Variants in NBDY observed in about 807,000 individuals in gnomAD.
The protein encoded by NBDY is P-body dissociating protein.
At chrX:56,787,996 C>G (rs1267209551) in intron 2 of NBDY, among the ~76,000 whole-genome samples, 1 of 112,703 alleles carries the variant, frequency 8.9e-6, no homozygotes, top group Non-Finnish European at 1.9e-5. Flanking sequence ...GCCCTATGAT[C>G]CCAGTCCTCC....
intron 2 of NBDY, among the ~76,000 whole-genome samples, chrX:56,785,278 G>A (rs1476520893): frequency 9.0e-6 from 1 of 111,310 alleles, no homozygotes; most frequent in Non-Finnish European, 1.9e-5. Flanking sequence ...AGGGACAAAG[G>A]GAGAAGAAAA....
chrX:56,729,760 T>A (rs1036059592), intron 1 of NBDY, among the ~76,000 whole-genome samples, 171 bp downstream of exon 1: 1 of 112,376 alleles, frequency 8.9e-6, no homozygotes, highest in Non-Finnish European at 1.9e-5. Flanking sequence ...ATGATGGATA[T>A]TTAACGACAT....
At chrX:56,803,325 C>T (rs2069833720) in intron 2 of NBDY, among the ~76,000 whole-genome samples, 1 of 111,942 alleles carries the variant, frequency 8.9e-6, no homozygotes, top group Non-Finnish European at 1.9e-5. Flanking sequence ...CACCCCACAG[C>T]TCCTTGGTTC....
chrX:56,758,316 GAAA>G (rs757268190), intron 2 of NBDY, among the ~76,000 whole-genome samples: 115 of 81,433 alleles, frequency 1.4e-3, no homozygotes, highest in Non-Finnish European at 2.3e-3. Context: ...ACTCTGTCTC[GAAA>G]AAAAAAAAAA....
intron 2 of NBDY, among the ~76,000 whole-genome samples, chrX:56,747,016 C>A (rs1195178412): frequency 8.9e-6 from 1 of 111,955 alleles, no homozygotes; most frequent in African/African-American, 3.2e-5. Context: ...ATAACATAGT[C>A]ATGGATTCTT....
intron 2 of NBDY, among the ~76,000 whole-genome samples, chrX:56,791,330 C>G (rs984543027): frequency 1.8e-5 from 2 of 111,971 alleles, no homozygotes; most frequent in African/African-American, 6.5e-5. Flanking sequence ...TGGCATTTCC[C>G]TCCCATTTCT....
chrX:56,810,387 A>G (rs939279851), intron 2 of NBDY, among the ~76,000 whole-genome samples: 3 of 110,986 alleles, frequency 2.7e-5, no homozygotes, highest in African/African-American at 9.8e-5. Context: ...ACGTACACCA[A>G]TCAAATGTAG....
At chrX:56,810,016 T>C (rs1328574414) in intron 2 of NBDY, among the ~76,000 whole-genome samples, 1 of 111,415 alleles carries the variant, frequency 9.0e-6, no homozygotes, top group Non-Finnish European at 1.9e-5. Context: ...CTATGAAACT[T>C]AGTTTGGCTG....
chrX:56,731,339 A>G (rs2069457031), intron 1 of NBDY, among the ~76,000 whole-genome samples: 1 of 105,385 alleles, frequency 9.5e-6, no homozygotes, highest in Admixed American at 1.0e-4. Context: ...TGGGCAGATC[A>G]CCTAAGGTCA....
Position 56,814,387 on chromosome X carries a change from A to C in NBDY, c.*167-2933A>C, listed in dbSNP as rs1343106280. On this transcript the variant is annotated intron_variant, in intron 2 of 2. Coordinates refer to ENST00000374922, the MANE Select transcript of NBDY (RefSeq NM_001348129.2). The stretch of plus-strand genomic sequence containing the variant: ...GTTTTATTAAAGTTGATTATATATC[A>C]ATTAGGGATTATTAAGTCATTATTT... Among the ~76,000 whole-genome samples the C allele has an allele frequency of 3.6e-5, 4 of 111,024 alleles. No homozygotes were observed. The East Asian group carries it at 1.1e-3, about 31-fold the overall frequency.
intron 2 of NBDY, among the ~76,000 whole-genome samples, chrX:56,764,073 C>T (rs2146723988): frequency 8.9e-6 from 1 of 112,343 alleles, no homozygotes; most frequent in East Asian, 2.8e-4. Flanking sequence ...TGGCCCTTGG[C>T]CTGTGCTCAT....
chrX:56,762,054 G>A (rs1305869479), intron 2 of NBDY, among the ~76,000 whole-genome samples: 2 of 110,567 alleles, frequency 1.8e-5, no homozygotes, highest in Admixed American at 9.6e-5. Context: ...CTTTTGATCC[G>A]ACTCACAAGG....
intron 2 of NBDY, among the ~76,000 whole-genome samples, chrX:56,754,397 A>G (rs755839256): frequency 1.2e-4 from 13 of 111,895 alleles, no homozygotes; most frequent in Non-Finnish European, 2.4e-4. Context: ...TGTATAGAAC[A>G]CTTCATCTAA....
intron 2 of NBDY, among the ~76,000 whole-genome samples, chrX:56,790,198 A>G (rs1190428550): frequency 8.9e-6 from 1 of 112,528 alleles, no homozygotes; most frequent in East Asian, 2.8e-4. Flanking sequence ...TACATATGCT[A>G]CCCATGCTGC....
At chrX:56,746,807 C>T (rs1426779139) in intron 2 of NBDY, among the ~76,000 whole-genome samples, 1 of 111,615 alleles carries the variant, frequency 9.0e-6, no homozygotes, top group Non-Finnish European at 1.9e-5. Flanking sequence ...TCTTCAAAGC[C>T]AACCATGGCA....
intron 2 of NBDY, among the ~76,000 whole-genome samples, chrX:56,756,717 TG>T (rs1198643547): frequency 1.8e-5 from 2 of 111,813 alleles, no homozygotes; most frequent in Admixed American, 9.5e-5. Context: ...GTAATCTCAA[TG>T]TTTTGGGAGG....
chrX:56,800,569 C>T (rs1361907283), intron 2 of NBDY, among the ~76,000 whole-genome samples: 3 of 111,414 alleles, frequency 2.7e-5, no homozygotes, highest in African/African-American at 9.8e-5. Flanking sequence ...TCTTCTTGTA[C>T]GAAGGCACAA....
intron 2 of NBDY, among the ~76,000 whole-genome samples, chrX:56,782,927 G>T (rs1237193022): frequency 8.9e-6 from 1 of 111,853 alleles, no homozygotes. Flanking sequence ...TGCACACACA[G>T]ACACAAACAC....
rs1022545315 is a variant in NBDY, at chrX:56,781,461, G to C, written c.*167-35859G>C. Among the ~76,000 whole-genome samples the C allele has an allele frequency of 1.3e-4, 14 of 111,513 alleles. No homozygotes were observed. In the East Asian group the frequency reaches 4.0e-3, roughly 32 times the overall value. On this transcript the variant is annotated intron_variant, in intron 2 of 2. Transcript: ENST00000374922. The stretch of plus-strand genomic sequence containing the variant: ...ACGCGGTACAGACCCGGGATTTAGG[G>C]GCTTATGCTTTCTTCTGGCTGGCGC...
Sources: gnomAD v4.1 joint callset for allele counts (sites outside exome capture counted in the v4.1 genomes callset) on GRCh38, gnomAD v4.1.1 for gene constraint, MANE v1.5 for transcripts, NCBI Gene and HGNC (gene_info 2026-07-23, HGNC 2026-07-21) for gene names.